Variants in FHIT observed in about 807,000 individuals in gnomAD.
The protein encoded by FHIT is fragile histidine triad diadenosine triphosphatase.
Under a neutral mutation model 17.9 loss-of-function variants are expected in FHIT, and 19 were observed. The observed-to-expected ratio is 1.06, with a 90% confidence interval of 0.74 to 1.56. The LOEUF (loss-of-function observed/expected upper bound fraction) is 1.56. Ranked by LOEUF, FHIT falls within the 40% of genes most tolerant of loss-of-function variation. The pLI is 0.00. For synonymous variants in FHIT, 81 were observed against 69.7 expected (o/e 1.16, Z -0.81); for missense variants, 248 against 189.2 (o/e 1.31, Z -1.82).
chr3:60,957,538 A>T (rs1271606306), intron 3 of FHIT, among the ~76,000 whole-genome samples: 1 of 152,078 alleles, frequency 6.6e-6, no homozygotes, highest in African/African-American at 2.4e-5. Flanking sequence ...CGCCGGGCCC[A>T]TCTTCTTTTC....
intron 4 of FHIT, among the ~76,000 whole-genome samples, chr3:60,623,132 A>G (rs1315690497): frequency 6.6e-6 from 1 of 152,230 alleles, no homozygotes; most frequent in Non-Finnish European, 1.5e-5. Context: ...CACATAGTAG[A>G]TACGTAACAA....
chr3:60,162,297 C>G (rs550735087), intron 5 of FHIT, among the ~76,000 whole-genome samples: 13 of 151,782 alleles, frequency 8.6e-5, no homozygotes, highest in African/African-American at 3.1e-4. Flanking sequence ...TTTACTCTTG[C>G]AATAAACCTG....
intron 8 of FHIT, among the ~76,000 whole-genome samples, chr3:59,808,102 G>C (rs2107025120): frequency 6.6e-6 from 1 of 151,906 alleles, no homozygotes; most frequent in South Asian, 2.1e-4. Flanking sequence ...TACCCCCCCA[G>C]TCCCTGGCAA....
intron 5 of FHIT, among the ~76,000 whole-genome samples, chr3:60,029,549 C>T (rs1700894144): frequency 6.6e-6 from 1 of 152,186 alleles, no homozygotes; most frequent in Admixed American, 6.5e-5. Context: ...TGAATTCTCC[C>T]ACCACACTGC....
chr3:60,638,965 C>A (rs538054896), intron 4 of FHIT, among the ~76,000 whole-genome samples: 1 of 146,912 alleles, frequency 6.8e-6, no homozygotes, highest in African/African-American at 2.5e-5. Flanking sequence ...ATACATCAGA[C>A]TAATCCTCCT....
chr3:59,951,298 G>A (rs202132861), intron 7 of FHIT, among the ~76,000 whole-genome samples: 1 of 151,094 alleles, frequency 6.6e-6, no homozygotes, highest in Non-Finnish European at 1.5e-5. Flanking sequence ...GCTGTTTTTT[G>A]CTTTATTGCC....
chr3:59,990,841 T>A (rs891753038), intron 7 of FHIT, among the ~76,000 whole-genome samples: 3 of 152,102 alleles, frequency 2.0e-5, no homozygotes, highest in African/African-American at 7.2e-5. Flanking sequence ...TAAGTCATTT[T>A]AAAAATAGTC....
intron 2 of FHIT, among the ~76,000 whole-genome samples, chr3:61,045,014 G>A (rs1055304853): frequency 3.6e-4 from 55 of 152,178 alleles, no homozygotes; most frequent in Non-Finnish European, 5.7e-4. Context: ...ACCAGTACCA[G>A]CCACTGCAAA....
At chr3:59,918,762 T>C (rs927046762) in intron 8 of FHIT, among the ~76,000 whole-genome samples, 25 of 152,164 alleles carry the variant, frequency 1.6e-4, no homozygotes, top group African/African-American at 5.8e-4. Context: ...GTGGCAACTG[T>C]ATAGGCCTAG....
chr3:60,825,504 CCA>C (rs1702079996), intron 3 of FHIT, among the ~76,000 whole-genome samples: 1 of 152,144 alleles, frequency 6.6e-6, no homozygotes, highest in Non-Finnish European at 1.5e-5. Context: ...CAGACCAGTA[CCA>C]GTCTGTGGCC....
chr3:59,999,051 T>G (rs1362763468), intron 7 of FHIT, among the ~76,000 whole-genome samples: 1 of 152,132 alleles, frequency 6.6e-6, no homozygotes, highest in Non-Finnish European at 1.5e-5. Flanking sequence ...TTGAGCCATA[T>G]TTATGATTTT....
At chr3:60,611,647 A>C (rs942305568) in intron 4 of FHIT, among the ~76,000 whole-genome samples, 4 of 152,290 alleles carry the variant, frequency 2.6e-5, no homozygotes, top group East Asian at 3.9e-4. Context: ...GTGTAGGACA[A>C]GGACTTTCTA....
In FHIT at chr3:59,776,351, C is replaced by A. The variant is rs369646891; in HGVS notation, c.349-24030G>T. Among the ~76,000 whole-genome samples the A allele has an allele frequency of 2.7e-4, 41 of 152,326 alleles. 1 individual carries two copies. In the South Asian group the frequency reaches 8.5e-3, roughly 32 times the overall value. ...GGAGGTGACAGCTACAAGTGCTCAC[C>A]ATCACACTCTGATTAGGGACCTGAG... On this transcript the variant is annotated intron_variant, in intron 8 of 9. Transcript: ENST00000492590.
chr3:59,836,605 G>C (rs1355675808), intron 8 of FHIT, among the ~76,000 whole-genome samples: 2 of 152,148 alleles, frequency 1.3e-5, no homozygotes, highest in African/African-American at 4.8e-5. Flanking sequence ...TGCCTTTTTA[G>C]GAGTGTCATT....
rs2039708034 is a variant in FHIT, at chr3:60,640,857, A to G, written c.-17-103878T>C. ...AAAGTATTTATAGGTGAAATAATTG[A>G]GTAGGATTTGCTTTAAACATCAGCA... is the stretch of plus-strand genomic sequence containing the variant. On this transcript the variant is annotated intron_variant, in intron 4 of 9. Coordinates refer to ENST00000492590, the MANE Select transcript of FHIT (RefSeq NM_002012.4). Among the ~76,000 whole-genome samples the G allele has an allele frequency of 2.0e-5, 3 of 152,204 alleles. No individual in the cohort carries two copies. In the South Asian group the frequency reaches 6.2e-4, roughly 32 times the overall value.
intron 5 of FHIT, among the ~76,000 whole-genome samples, chr3:60,148,334 G>A (rs952156058): frequency 2.0e-5 from 3 of 152,172 alleles, no homozygotes; most frequent in African/African-American, 7.2e-5. Flanking sequence ...GCACAAGTCA[G>A]GGATGCAGCA....
chr3:61,163,250 A>C (rs1292416096), intron 2 of FHIT, among the ~76,000 whole-genome samples: 1 of 152,190 alleles, frequency 6.6e-6, no homozygotes, highest in Non-Finnish European at 1.5e-5. Context: ...CCTCTCTGCC[A>C]AGAAGTTTAG....
At chr3:60,980,964 A>G (rs1255000117) in intron 3 of FHIT, among the ~76,000 whole-genome samples, 2 of 152,128 alleles carry the variant, frequency 1.3e-5, no homozygotes, top group Non-Finnish European at 2.9e-5. Context: ...ACAATCTCCC[A>G]TGGTACCCTG....
At chr3:60,431,215 GAAA>G (rs66778365) in intron 5 of FHIT, among the ~76,000 whole-genome samples, 15,221 of 148,624 alleles carry the variant, frequency 0.1, 1,240 homozygotes, top group East Asian at 0.38. Flanking sequence ...CATCTCAAAA[GAAA>G]AAAAAAAAAA....
Sources: gnomAD v4.1 joint callset for allele counts (sites outside exome capture counted in the v4.1 genomes callset) on GRCh38, gnomAD v4.1.1 for gene constraint, MANE v1.5 for transcripts, NCBI Gene and HGNC (gene_info 2026-07-23, HGNC 2026-07-21) for gene names.